Variants in BLVRA observed in about 807,000 individuals in gnomAD.
BLVRA encodes the protein biliverdin reductase A.
Under a neutral mutation model 32.8 loss-of-function variants are expected in BLVRA, and 22 were observed. The observed-to-expected ratio is 0.67, with a 90% CI of 0.48 to 0.96. The LOEUF (loss-of-function observed/expected upper bound fraction) is 0.96. BLVRA is among the 40% of genes least tolerant of loss of function. The pLI is 0.00. For missense variants in BLVRA, 323 were observed against 358.1 expected, an observed-to-expected ratio of 0.90 and a Z score of 0.79; for synonymous variants, 119 against 141.3, an observed-to-expected ratio of 0.84 and a Z score of 1.12.
At chr7:43,788,991 C>T (rs1373249570) in intron 3 of BLVRA, among the ~76,000 whole-genome samples, 1 of 151,932 alleles carries the variant, frequency 6.6e-6, no homozygotes, top group Non-Finnish European at 1.5e-5. Context: ...AAACTTATCA[C>T]CTTGTTTCTT....
intron 5 of BLVRA, 43 bp from the exon 6 acceptor site, chr7:43,800,422 A>G: frequency 1.9e-6 from 3 of 1,570,102 alleles, no homozygotes; most frequent in Non-Finnish European, 2.6e-6. Flanking sequence ...ACACCTAGAC[A>G]CAACTGACGA....
At position 43,766,617 on chromosome 7, in the gene BLVRA, G is replaced by T. The variant is rs1018355149; in HGVS notation, c.-21-4521G>T. On this transcript the variant is annotated intron_variant, in intron 1 of 7. Transcript: ENST00000265523. The stretch of plus-strand genomic sequence containing the variant: ...GAAAGGAGAGGGAGCTGTGTGATGG[G>T]CAGGCAGAGAGTTGGAAGGTGGAGC... 5.3e-5 allele frequency among the ~76,000 whole-genome samples: 8 copies of T among 152,282 alleles called. No homozygotes were observed. In the East Asian group the frequency reaches 1.5e-3, roughly 29 times the overall value.
At chr7:43,768,608 A>T (rs1341933623) in intron 1 of BLVRA, among the ~76,000 whole-genome samples, 1 of 152,034 alleles carries the variant, frequency 6.6e-6, no homozygotes, top group Non-Finnish European at 1.5e-5. Flanking sequence ...AGAGGCTCAC[A>T]TCTGTTCTCA....
rs530534798 is a variant in BLVRA, at chr7:43,761,140, A to G, written c.-22+2406A>G. Among the ~76,000 whole-genome samples, 35 of 152,348 alleles carry G rather than the reference A, an allele frequency of 2.3e-4. No individual in the cohort carries two copies. The South Asian group carries it at 4.8e-3, about 21-fold the overall frequency. ...CTGCTAGATCTGCCTTATGGTCAGA[A>G]ATGAAGGTTGAACTCTCAGGAACAG... On this transcript the variant is annotated intron_variant, in intron 1 of 7. Coordinates refer to ENST00000265523, the MANE Select transcript of BLVRA (RefSeq NM_000712.4).
intron 2 of BLVRA, among the ~76,000 whole-genome samples, chr7:43,780,296 C>T (rs1426264084): frequency 5.3e-5 from 8 of 152,176 alleles, no homozygotes; most frequent in Non-Finnish European, 1.5e-5. Flanking sequence ...GCGCTCCAGT[C>T]CCCTCACTCT....
intron 1 of BLVRA, among the ~76,000 whole-genome samples, chr7:43,766,642 C>T (rs1318444474): frequency 6.6e-6 from 1 of 152,102 alleles, no homozygotes; most frequent in Admixed American, 6.5e-5. Flanking sequence ...GAAGGTGGAG[C>T]CAGATCTCGC....
chr7:43,787,903 G>A lies in BLVRA; in HGVS notation c.13-1G>A. 6.2e-7 allele frequency: 1 copy of A among 1,614,156 alleles called. No homozygotes were observed. Among genetic ancestry groups the A allele is most frequent in the South Asian group, 1.1e-5 (1 of 91,080 alleles). ...CTCCACCTTGGTCCCTTGTGTTTCA[G>A]CCCGAGAGGAAGTTTGGCGTGGTGG... On this transcript the variant is annotated splice_acceptor_variant, in intron 2 of 7. Coordinates refer to ENST00000265523, the MANE Select transcript of BLVRA (RefSeq NM_000712.4). LOFTEE classifies it high-confidence loss of function. The surrounding 1 kb of genome is among the most constrained non-coding windows in gnomAD (Gnocchi z 4.5).
chr7:43,780,967 C>T (rs895822355), intron 2 of BLVRA, among the ~76,000 whole-genome samples: 2 of 152,102 alleles, frequency 1.3e-5, no homozygotes, highest in African/African-American at 2.4e-5. Context: ...GCCAACATGG[C>T]GAAACCCCAT....
chr7:43,799,756 G>C (rs1426075890), intron 5 of BLVRA, among the ~76,000 whole-genome samples: 1 of 152,004 alleles, frequency 6.6e-6, no homozygotes, highest in East Asian at 1.9e-4. Context: ...TTATAGGCAT[G>C]AGCCACCAAG....
chr7:43,771,420 G>A (rs987161073), intron 2 of BLVRA, among the ~76,000 whole-genome samples: 1 of 152,160 alleles, frequency 6.6e-6, no homozygotes, highest in Non-Finnish European at 1.5e-5. Context: ...ACACTCCCTA[G>A]CTCTGGCTAG....
chr7:43,758,371 A>AGGCACACCGTGAGGGGGCCC (rs2095738391), upstream of BLVRA, among the ~76,000 whole-genome samples: 10 of 151,710 alleles, frequency 6.6e-5, no homozygotes, highest in Non-Finnish European at 1.2e-4. Flanking sequence ...TGAGGGGGCC[A>AGGCACACCGTGAGGGGGCCC]GGCACACCGT....
At chr7:43,765,728 C>T (rs1245880608) in intron 1 of BLVRA, among the ~76,000 whole-genome samples, 5 of 151,912 alleles carry the variant, frequency 3.3e-5, no homozygotes, top group African/African-American at 1.2e-4. Flanking sequence ...CTTGAATTAC[C>T]AGGTATTGAA....
At chr7:43,801,497 A>T (rs530350592) in intron 6 of BLVRA, among the ~76,000 whole-genome samples, 2 of 152,328 alleles carry the variant, frequency 1.3e-5, no homozygotes, top group South Asian at 4.1e-4. Flanking sequence ...AGACCCTGAC[A>T]TGGCCTGGCA....
intron 5 of BLVRA, among the ~76,000 whole-genome samples, chr7:43,799,424 G>A (rs952734941): frequency 3.9e-5 from 6 of 151,980 alleles, no homozygotes; most frequent in Non-Finnish European, 7.4e-5. Context: ...TTTATAGAGC[G>A]AAAAAATTTT....
intron 2 of BLVRA, among the ~76,000 whole-genome samples, chr7:43,783,730 A>G (rs1467866393): frequency 2.6e-5 from 4 of 152,124 alleles, no homozygotes; most frequent in African/African-American, 9.7e-5. Flanking sequence ...GCTCTCCATA[A>G]AGCAGGTTCT....
At chr7:43,767,964 T>C (rs1247340487) in intron 1 of BLVRA, among the ~76,000 whole-genome samples, 2 of 152,122 alleles carry the variant, frequency 1.3e-5, no homozygotes, top group African/African-American at 4.8e-5. Flanking sequence ...GCAGTAGAAT[T>C]GCTAGGTCAG....
At position 43,791,312 on chromosome 7, in the gene BLVRA, A is replaced by G; in HGVS notation, c.198A>G (p.Gln66=). Residue 66 remains glutamine (Q), a synonymous_variant, in exon 4 of 8, where the codon CAA becomes CAG. Coordinates refer to ENST00000265523, the MANE Select transcript of BLVRA (RefSeq NM_000712.4). Reference sequence around the variant, plus strand: ...CTTTGGAGGATGCTCTTTCCAGCCAAGAGGTGGAGGTCGCCTATATCTGCA... The same window carrying G: ...CTTTGGAGGATGCTCTTTCCAGCCAGGAGGTGGAGGTCGCCTATATCTGCA... The part of the protein sequence containing the change: ...QISLEDALSS[Q]EVEVAYICSE... 6.2e-7 allele frequency: 1 copy of G among 1,614,210 alleles called. No homozygotes were observed. Among genetic ancestry groups the G allele is most frequent in the Non-Finnish European group, 8.5e-7 (1 of 1,180,032 alleles).
At chr7:43,759,695 G>A (rs2095740131) in intron 1 of BLVRA, among the ~76,000 whole-genome samples, 1 of 152,196 alleles carries the variant, frequency 6.6e-6, no homozygotes, top group Admixed American at 6.5e-5. Flanking sequence ...ATACTGTGCT[G>A]AAAGTTTTTC....
At chr7:43,777,238 T>C (rs1457127397) in intron 2 of BLVRA, among the ~76,000 whole-genome samples, 4 of 151,452 alleles carry the variant, frequency 2.6e-5, no homozygotes, top group African/African-American at 2.4e-5. Context: ...TTCCTAGCCT[T>C]GATGGTCTTT....
Sources: allele counts gnomAD v4.1 joint callset (sites outside exome capture counted in the v4.1 genomes callset), GRCh38; gene constraint gnomAD v4.1.1; non-coding constraint Gnocchi (gnomAD v3.1); transcripts MANE v1.5; gene names NCBI Gene and HGNC (gene_info 2026-07-23, HGNC 2026-07-21).